Variants in DRC11 observed in about 807,000 individuals in gnomAD.
The protein encoded by DRC11 is IQ and AAA domain-containing protein 1.
At chr2:236,340,081 G>A in the DRC11 span, among the ~76,000 whole-genome samples, 1 of 152,184 alleles carries the variant, frequency 6.6e-6, no homozygotes, top group African/African-American at 2.4e-5. Context: ...CAGCGTTTTT[G>A]TAGTTTTCAG....
chr2:236,313,410 G>C, the DRC11 span, among the ~76,000 whole-genome samples: 5 of 152,154 alleles, frequency 3.3e-5, no homozygotes, highest in African/African-American at 1.2e-4. The surrounding 1 kb of genome is among the most constrained non-coding windows in gnomAD (Gnocchi z 4.5). Flanking sequence ...AATACCAAAT[G>C]CTGATGAGGA....
At chr2:236,337,198 G>A in the DRC11 span, among the ~76,000 whole-genome samples, 1 of 152,188 alleles carries the variant, frequency 6.6e-6, no homozygotes, top group African/African-American at 2.4e-5. This position sits in a 1 kb window ranked among gnomAD's most constrained non-coding sequence, Gnocchi z 4.9. Flanking sequence ...GGTACATTAA[G>A]GAGAATGCCC....
At chr2:236,307,133 C>T in the DRC11 span, among the ~76,000 whole-genome samples, 2 of 152,162 alleles carry the variant, frequency 1.3e-5, no homozygotes, top group African/African-American at 2.4e-5. The surrounding 1 kb of genome is among the most constrained non-coding windows in gnomAD (Gnocchi z 7.0). Context: ...CACAGTACTG[C>T]CCACTCTAAG....
chr2:236,365,028 A>G, the DRC11 span, among the ~76,000 whole-genome samples: 2 of 152,124 alleles, frequency 1.3e-5, no homozygotes, highest in African/African-American at 2.4e-5. This position sits in a 1 kb window ranked among gnomAD's most constrained non-coding sequence, Gnocchi z 7.4. Context: ...GGGATAAAGG[A>G]GAGACTCTTT....
At chr2:236,339,104 G>A in the DRC11 span, among the ~76,000 whole-genome samples, 1 of 152,190 alleles carries the variant, frequency 6.6e-6, no homozygotes, top group Admixed American at 6.5e-5. Flanking sequence ...GAGAGCCTCT[G>A]CAGAGACTTC....
chr2:236,384,017 G>T, the DRC11 span, among the ~76,000 whole-genome samples: 1 of 152,118 alleles, frequency 6.6e-6, no homozygotes, highest in African/African-American at 2.4e-5. Flanking sequence ...TGGTTGCATA[G>T]TATTCCATGG....
the DRC11 span, among the ~76,000 whole-genome samples, chr2:236,361,573 A>T: frequency 6.6e-6 from 1 of 152,218 alleles, no homozygotes; most frequent in African/African-American, 2.4e-5. This position sits in a 1 kb window ranked among gnomAD's most constrained non-coding sequence, Gnocchi z 5.7. Context: ...CAAGATTCTC[A>T]TATTTTATGT....
chr2:236,373,366 T>C, the DRC11 span, among the ~76,000 whole-genome samples: 7 of 151,836 alleles, frequency 4.6e-5, no homozygotes, highest in African/African-American at 1.5e-4. Context: ...TTCTCCTGCC[T>C]CAACCTCCTG....
chr2:236,406,016 A>T, the DRC11 span, among the ~76,000 whole-genome samples: 1 of 152,240 alleles, frequency 6.6e-6, no homozygotes, highest in Non-Finnish European at 1.5e-5. This position sits in a 1 kb window ranked among gnomAD's most constrained non-coding sequence, Gnocchi z 4.7. Flanking sequence ...GTGCATATTT[A>T]AAAAGCTGGT....
At chr2:236,411,632 A>T in the DRC11 span, among the ~76,000 whole-genome samples, 132 of 150,930 alleles carry the variant, frequency 8.7e-4, 1 homozygote, top group Non-Finnish European at 8.9e-5. Context: ...AATAGCAAAG[A>T]CTTGGAACCA....
the DRC11 span, among the ~76,000 whole-genome samples, chr2:236,499,696 T>C: frequency 1.3e-5 from 2 of 152,256 alleles, no homozygotes; most frequent in South Asian, 2.1e-4. The surrounding 1 kb of genome is among the most constrained non-coding windows in gnomAD (Gnocchi z 4.7). Context: ...TCCCAAAGTG[T>C]TGGGATTACA....
the DRC11 span, among the ~76,000 whole-genome samples, chr2:236,413,951 T>C: frequency 6.6e-6 from 1 of 152,202 alleles, no homozygotes; most frequent in African/African-American, 2.4e-5. This position sits in a 1 kb window ranked among gnomAD's most constrained non-coding sequence, Gnocchi z 4.0. Flanking sequence ...TGAAAGCACC[T>C]TTGCAGGACT....
chr2:236,507,154 GGAGAAAAGAAAA>G, the DRC11 span: 2 of 1,215,738 alleles, frequency 1.6e-6, no homozygotes, highest in Non-Finnish European at 2.4e-6. Context: ...TGAGAGGGGA[GGAGAAAAGAAAA>G]GAAAAAAGAA....
At chr2:236,339,155 C>T in the DRC11 span, among the ~76,000 whole-genome samples, 4 of 152,280 alleles carry the variant, frequency 2.6e-5, no homozygotes, top group East Asian at 1.9e-4. Flanking sequence ...ATTTGGCTGA[C>T]GGCTAATGAT....
chr2:236,418,530 G>A, the DRC11 span, among the ~76,000 whole-genome samples: 4 of 152,278 alleles, frequency 2.6e-5, no homozygotes, highest in African/African-American at 9.6e-5. Flanking sequence ...TGTTTATGCT[G>A]AAAGCATATG....
At chr2:236,381,831 T>G in the DRC11 span, among the ~76,000 whole-genome samples, 260 of 152,340 alleles carry the variant, frequency 1.7e-3, no homozygotes, top group African/African-American at 6.1e-3. This position sits in a 1 kb window ranked among gnomAD's most constrained non-coding sequence, Gnocchi z 5.8. Flanking sequence ...GTTCTTTATA[T>G]GTTTATTGTT....
At chr2:236,405,132 TG>T in the DRC11 span, among the ~76,000 whole-genome samples, 1 of 152,178 alleles carries the variant, frequency 6.6e-6, no homozygotes, top group Non-Finnish European at 1.5e-5. The surrounding 1 kb of genome is among the most constrained non-coding windows in gnomAD (Gnocchi z 4.6). Flanking sequence ...ATTCAGACCA[TG>T]GCACCCAACA....
chr2:236,465,784 C>G, the DRC11 span: 1 of 905,128 alleles, frequency 1.1e-6, no homozygotes, highest in Non-Finnish European at 1.8e-6. The surrounding 1 kb of genome is among the most constrained non-coding windows in gnomAD (Gnocchi z 6.2). Flanking sequence ...AGAAACTGAA[C>G]AAATGTGTTA....
chr2:236,471,161 G>T, the DRC11 span, among the ~76,000 whole-genome samples: 1 of 152,134 alleles, frequency 6.6e-6, no homozygotes, highest in Non-Finnish European at 1.5e-5. The surrounding 1 kb of genome is among the most constrained non-coding windows in gnomAD (Gnocchi z 4.6). Context: ...CAGAAGTCAA[G>T]GAACTTGTCC....
Sources: allele counts gnomAD v4.1 joint callset (sites outside exome capture counted in the v4.1 genomes callset), GRCh38; gene constraint gnomAD v4.1.1; non-coding constraint Gnocchi (gnomAD v3.1); transcripts MANE v1.5; gene names NCBI Gene and HGNC (gene_info 2026-07-23, HGNC 2026-07-21).